The following CASK variants were observed in gnomAD, a reference collection of about 807,000 sequenced individuals.
CASK encodes the protein calcium/calmodulin dependent serine protein kinase.
Under a neutral mutation model 82.9 loss-of-function variants are expected in CASK, and 4 were observed. The observed-to-expected ratio is 0.05, with a 90% CI of 0.02 to 0.11. The LOEUF (loss-of-function observed/expected upper bound fraction) is 0.11, where lower values mean the gene tolerates loss of function less well. Among genes scored for constraint, CASK ranks in the 10% least tolerant of loss-of-function variants. The probability of loss-of-function intolerance (pLI) is 1.00; values close to 1 mark genes in which losing one functional copy is unlikely to be tolerated. For synonymous variants in CASK, 259 were observed against 253.5 expected, an observed-to-expected ratio of 1.02 and a Z score of -0.20; for missense variants, 358 against 720.9, an observed-to-expected ratio of 0.50 and a Z score of 5.76.
chrX:41,643,701 C>A (rs1299546923), intron 8 of CASK, among the ~76,000 whole-genome samples: 1 of 111,769 alleles, frequency 8.9e-6, no homozygotes, highest in Non-Finnish European at 1.9e-5. Flanking sequence ...TCTAAATATA[C>A]AATCATGTCA....
chrX:41,670,329 C>T (rs1321859766), intron 6 of CASK, among the ~76,000 whole-genome samples: 1 of 112,314 alleles, frequency 8.9e-6, no homozygotes, highest in African/African-American at 3.2e-5. Context: ...TTCTTTGAAA[C>T]TATACTCAGC....
chrX:41,572,221 A>T (rs1013472541), intron 15 of CASK, among the ~76,000 whole-genome samples: 1 of 110,183 alleles, frequency 9.1e-6, no homozygotes, highest in Non-Finnish European at 1.9e-5. Context: ...AGTAGCTGGA[A>T]CTACAGGCAT....
At position 41,563,356 on chromosome X, in the gene CASK, C is replaced by CAAA. The variant is rs746081703; in HGVS notation, c.1583-1715_1583-1713dup. Among the ~76,000 whole-genome samples, 25 of 15,051 alleles carry CAAA rather than the reference C, an allele frequency of 1.7e-3. 1 individual carries two copies. The highest frequency in any genetic ancestry group is 5.6e-3 in the African/African-American group (20 of 3,563). The allele number at this position is 15,051 out of a possible 115,157, so 13.1% of individuals were successfully genotyped here. On this transcript the variant is annotated intron_variant, in intron 16 of 26. Transcript: ENST00000378163. ...TGGCCGATGGAGCAAGACCCTGTCT[C>CAAA]AAAAAAAAAAAAAAAAAAAAAAAAG... is the stretch of plus-strand genomic sequence containing the variant.
intron 3 of CASK, among the ~76,000 whole-genome samples, chrX:41,748,870 A>G (rs1211875101): frequency 8.9e-6 from 1 of 112,216 alleles, no homozygotes; most frequent in Non-Finnish European, 1.9e-5. Context: ...TTGTCTGGTC[A>G]TATCTGAAAT....
intron 12 of CASK, among the ~76,000 whole-genome samples, chrX:41,602,563 A>G (rs1311957921): frequency 9.0e-6 from 1 of 110,642 alleles, no homozygotes; most frequent in Non-Finnish European, 1.9e-5. Context: ...TTCCTTTCCA[A>G]TCTTCATGCC....
At chrX:41,784,663 G>A (rs906543292) in intron 3 of CASK, among the ~76,000 whole-genome samples, 10 of 111,492 alleles carry the variant, frequency 9.0e-5, no homozygotes, top group African/African-American at 2.9e-4. Flanking sequence ...AGATCACAAG[G>A]TCAGGAGTTC....
intron 5 of CASK, among the ~76,000 whole-genome samples, chrX:41,736,515 CAAAA>C (rs2068502344): frequency 9.0e-6 from 1 of 111,377 alleles, no homozygotes; most frequent in African/African-American, 3.3e-5. Flanking sequence ...ACAAACAAAA[CAAAA>C]CAAACAAACA....
chrX:41,890,131 T>C (rs1302733473), intron 1 of CASK, among the ~76,000 whole-genome samples: 2 of 111,594 alleles, frequency 1.8e-5, no homozygotes, highest in African/African-American at 6.5e-5. Context: ...TAAAGAGGGT[T>C]CATTGTACTA....
intron 3 of CASK, among the ~76,000 whole-genome samples, chrX:41,779,001 G>A (rs772300488): frequency 9.0e-6 from 1 of 111,641 alleles, no homozygotes; most frequent in Non-Finnish European, 1.9e-5. Context: ...AGTTTGTGCA[G>A]AAGAGTTAAT....
chrX:41,714,614 C>T (rs751591212), intron 5 of CASK, among the ~76,000 whole-genome samples: 5 of 111,531 alleles, frequency 4.5e-5, no homozygotes, highest in African/African-American at 9.8e-5. Flanking sequence ...CCTTTGTCAG[C>T]GTTTACTGGG....
intron 2 of CASK, among the ~76,000 whole-genome samples, chrX:41,830,775 G>A (rs368245201): frequency 6.1e-5 from 6 of 98,820 alleles, no homozygotes; most frequent in Non-Finnish European, 8.1e-5. Context: ...AGCCGAGATC[G>A]CGCCACTGCA....
rs760852450 is a variant in CASK at position 41,518,289 on chromosome X, C to G, written c.*2131G>C. 19 of 116,894 alleles carry G rather than the reference C, an allele frequency of 1.6e-4. No homozygotes were observed. Among genetic ancestry groups the G allele is most frequent in the Non-Finnish European group, 3.2e-4 (18 of 56,700 alleles). 9.6% of individuals were successfully genotyped at this position (116,894 alleles called of 1,213,427 possible). ...ACCAGAAAAGAGGTAGAGTGCGCAC[C>G]TTCACACTAAGAGCCCGAAATTGTG... On this transcript the variant is annotated 3_prime_UTR_variant, in exon 27 of 27. Transcript: ENST00000378163.
intron 21 of CASK, among the ~76,000 whole-genome samples, chrX:41,552,253 C>T (rs924783922): frequency 9.0e-6 from 1 of 110,599 alleles, no homozygotes; most frequent in African/African-American, 3.3e-5. Context: ...ACCTTTTCAG[C>T]TATTCAGTGC....
At chrX:41,610,046 A>G (rs917014747) in intron 11 of CASK, 21 bp from the exon 12 acceptor site, 16 of 1,202,824 alleles carry the variant, frequency 1.3e-5, no homozygotes, top group Middle Eastern at 2.3e-4. Flanking sequence ...CAAACAGAAA[A>G]GAAACAGCCA....
intron 24 of CASK, among the ~76,000 whole-genome samples, chrX:41,534,054 G>T (rs1043728177): frequency 1.8e-5 from 2 of 111,764 alleles, no homozygotes; most frequent in African/African-American, 6.5e-5. Flanking sequence ...TCATACACAT[G>T]ATCTCAAATC....
chrX:41,776,635 A>G (rs1313461711), intron 3 of CASK, among the ~76,000 whole-genome samples: 2 of 112,358 alleles, frequency 1.8e-5, no homozygotes, highest in African/African-American at 3.2e-5. Context: ...AAGTTAGTAC[A>G]AGGAAAGGGA....
At chrX:41,737,865 T>C (rs2068523448) in intron 5 of CASK, among the ~76,000 whole-genome samples, 1 of 113,149 alleles carries the variant, frequency 8.8e-6, no homozygotes, top group Non-Finnish European at 1.9e-5. Context: ...TTTTACTCTC[T>C]ACATATGAAC....
At chrX:41,922,546 C>T (rs1156681225) in intron 1 of CASK, among the ~76,000 whole-genome samples, 1 of 112,287 alleles carries the variant, frequency 8.9e-6, no homozygotes, top group East Asian at 2.8e-4. Context: ...TCTCTCACCA[C>T]ACAAGCAAAG....
In CASK at chrX:41,865,043, G is replaced by A. The variant is rs143233917; in HGVS notation, c.60-11816C>T. Reference sequence around the variant, plus strand: ...GAGTATAGTGGATGTAACTGTTTAGGCGACATAGTAAAATCAAACATCTAA... The same window carrying A: ...GAGTATAGTGGATGTAACTGTTTAGACGACATAGTAAAATCAAACATCTAA... On this transcript the variant is annotated intron_variant, in intron 1 of 26. Coordinates refer to ENST00000378163, the MANE Select transcript of CASK (RefSeq NM_001367721.1). Among the ~76,000 whole-genome samples, 610 of 111,937 alleles carry A rather than the reference G, an allele frequency of 5.4e-3. 5 individuals carry two copies. Among genetic ancestry groups the A allele is most frequent in the African/African-American group, 0.019 (576 of 30,775 alleles).
Sources: allele counts gnomAD v4.1 joint callset (sites outside exome capture counted in the v4.1 genomes callset), GRCh38; gene constraint gnomAD v4.1.1; transcripts MANE v1.5; gene names NCBI Gene and HGNC (gene_info 2026-07-23, HGNC 2026-07-21).